PPP4C: variants seen among roughly 807,000 people sequenced by gnomAD.
PPP4C encodes the protein serine/threonine-protein phosphatase 4 catalytic subunit.
Under a neutral mutation model 40.5 loss-of-function variants are expected in PPP4C, and 10 were observed. The observed-to-expected ratio is 0.25, with a 90% CI of 0.15 to 0.42. The LOEUF (loss-of-function observed/expected upper bound fraction) is 0.42, where lower values mean the gene tolerates loss of function less well. Among genes scored for constraint, PPP4C ranks in the 10% least tolerant of loss-of-function variants. PPP4C has a pLI of 1.00. For synonymous variants in PPP4C, 187 were observed against 163.6 expected (o/e 1.14, Z -1.09); for missense variants, 191 against 416.4 (o/e 0.46, Z 4.71).
At chr16:30,076,719 GGAAACTC>G (rs1209917314) in intron 2 of PPP4C, among the ~76,000 whole-genome samples, 32 of 152,296 alleles carry the variant, frequency 2.1e-4, no homozygotes, top group African/African-American at 7.7e-4. Context: ...AAAGTACTTA[GGAAACTC>G]AAGGAAACAA....
chr16:30,081,882 A>G (rs369301065), intron 3 of PPP4C, among the ~76,000 whole-genome samples: 2 of 151,972 alleles, frequency 1.3e-5, no homozygotes, highest in African/African-American at 4.8e-5. Flanking sequence ...GTGAAACCCC[A>G]TCTCTACTAA....
rs1567336350 is a variant in PPP4C at position 30,083,484 on chromosome 16, C to T, written c.394C>T (p.Arg132Cys). Residue 132 changes from arginine (R) to cysteine (C), a missense_variant, in exon 6 of 9, where the codon CGC becomes TGC. Transcript: ENST00000279387. This position sits in a 1 kb window ranked among gnomAD's most constrained non-coding sequence, Gnocchi z 6.3. Reference sequence around the variant, plus strand: ...CTATGGCTTCTACGATGAGTGCCTGCGCAAGTACGGCTCGGTGACTGTGTG... The same window carrying T: ...CTATGGCTTCTACGATGAGTGCCTGTGCAAGTACGGCTCGGTGACTGTGTG... ...QVYGFYDECL[R>C]KYGSVTVWRY... 3 of 1,614,152 alleles carry T rather than the reference C, an allele frequency of 1.9e-6. No individual in the cohort carries two copies. The highest frequency in any genetic ancestry group is 2.5e-6 in the Non-Finnish European group (3 of 1,180,032).
chr16:30,082,988 G>A, intron 5 of PPP4C, 141 bp downstream of exon 5: 1 of 748,658 alleles, frequency 1.3e-6, no homozygotes, highest in Non-Finnish European at 2.2e-6. Flanking sequence ...CTGCTTTTGG[G>A]GGTGGTCAGA....
chr16:30,082,492 C>A lies in PPP4C; in HGVS notation c.159C>A (p.Gly53=). ...QRVDSPVTVC[G]DIHGQFYDLK... ...CTCTTCCTGTTCCCCAGGTGTGCGGCGACATCCATGGACAATTCTATGACC... is the reference window on the plus strand; with the variant it reads ...CTCTTCCTGTTCCCCAGGTGTGCGGAGACATCCATGGACAATTCTATGACC... Residue 53 remains glycine (G), a synonymous_variant, in exon 4 of 9, where the codon GGC becomes GGA. Transcript: ENST00000279387. 1.2e-6 allele frequency: 2 copies of A among 1,613,828 alleles called. No individual in the cohort carries two copies. The highest frequency in any genetic ancestry group is 3.3e-5 in the Admixed American group (2 of 60,012).
intron 2 of PPP4C, among the ~76,000 whole-genome samples, chr16:30,078,917 A>G (rs543790819): frequency 6.6e-6 from 1 of 152,304 alleles, no homozygotes; most frequent in Non-Finnish European, 1.5e-5. Context: ...AGGTCCTGAT[A>G]GGGCTGGGGA....
Position 30,081,249 on chromosome 16 carries a change from C to A in PPP4C, c.99-10C>A, listed in dbSNP as rs779936458. The A allele has an allele frequency of 1.9e-6, 3 of 1,613,532 alleles. No homozygotes were observed. In the African/African-American group the frequency reaches 4.0e-5, roughly 22 times the overall value. ...TGGCTGTGGTGACCCTGGTCTTCTC[C>A]TGTCTCCAGAGAGATCTTGGTAGAG... On this transcript the variant is annotated splice_polypyrimidine_tract_variant and intron_variant, in intron 2 of 8. Coordinates refer to ENST00000279387, the MANE Select transcript of PPP4C (RefSeq NM_002720.3).
rs768077357 is a variant in PPP4C at position 30,082,771 on chromosome 16, A to C, written c.227A>C (p.Asn76Thr). ...FRVGGDVPET[N>T]YLFMGDFVDR... is the part of the protein sequence containing the mutation. ...GTAGGTGGCGACGTCCCTGAGACCA[A>C]CTACCTCTTCATGGGGGACTTTGTG... Residue 76 changes from asparagine (N) to threonine (T), a missense_variant, in exon 5 of 9, where the codon AAC becomes ACC. Transcript: ENST00000279387. 1 of 1,613,998 alleles carries C rather than the reference A, an allele frequency of 6.2e-7. No individual in the cohort carries two copies. The highest frequency in any genetic ancestry group is 1.7e-5 in the Admixed American group (1 of 59,992).
At position 30,076,205 on chromosome 16, in the gene PPP4C, C is replaced by T. The variant is rs371595188; in HGVS notation, c.-63-110C>T. ...GTTGGACGCCGGGGGGTCCTGGGGC[C>T]GATGTGAGGGGAGGCGGGGGTGGGG... is the stretch of plus-strand genomic sequence containing the variant. On this transcript the variant is annotated intron_variant, in intron 1 of 8. Transcript: ENST00000279387. 3.5e-4 allele frequency: 181 copies of T among 523,082 alleles called. 3 individuals carry two copies. The highest frequency in any genetic ancestry group is 3.3e-3 in the South Asian group (145 of 43,870). 32.4% of individuals were successfully genotyped at this position (523,082 alleles called of 1,614,324 possible). A position where few individuals can be genotyped will look rare whatever the true frequency, so the allele number is the denominator to read the frequency against.
In PPP4C at chr16:30,082,763, T is replaced by C; in HGVS notation, c.219T>C (p.Pro73=). 6.2e-7 allele frequency: 1 copy of C among 1,613,506 alleles called. No homozygotes were observed. The highest frequency in any genetic ancestry group is 1.7e-4 in the Middle Eastern group (1 of 6,058). ...CCCCACAGGTAGGTGGCGACGTCCC[T>C]GAGACCAACTACCTCTTCATGGGGG... ...KELFRVGGDV[P]ETNYLFMGDF... Residue 73 remains proline (P), a synonymous_variant, in exon 5 of 9, where the codon CCT becomes CCC. Coordinates refer to ENST00000279387, the MANE Select transcript of PPP4C (RefSeq NM_002720.3).
intron 2 of PPP4C, 130 bp from the exon 3 acceptor site, chr16:30,081,129 G>A: frequency 7.7e-7 from 1 of 1,300,628 alleles, no homozygotes; most frequent in Non-Finnish European, 1.1e-6. Context: ...GTTTTGGGGA[G>A]ACTGTACGCT....
At chr16:30,082,667 G>A (rs2072532953) in intron 4 of PPP4C, 79 bp from the exon 5 acceptor site, 3 of 1,535,114 alleles carry the variant, frequency 2.0e-6, no homozygotes, top group South Asian at 2.3e-5. Context: ...GGTTGTGGAA[G>A]AAGGGCCTCC....
In PPP4C at chr16:30,084,727, G is replaced by A. The variant is rs1315867432; in HGVS notation, c.666G>A (p.Val222=). 47 of 1,614,258 alleles carry A rather than the reference G, an allele frequency of 2.9e-5. No individual in the cohort carries two copies. The highest frequency in any genetic ancestry group is 3.6e-5 in the Non-Finnish European group (42 of 1,180,048). ...GCTACCTATTTGGCAGTGACGTGGT[G>A]GCCCAGTTCAACGCAGCCAATGACA... ...GAGYLFGSDV[V]AQFNAANDID... is the part of the protein sequence containing the mutation. Residue 222 remains valine, a synonymous_variant, in exon 8 of 9, where the codon GTG becomes GTA. Coordinates refer to ENST00000279387, the MANE Select transcript of PPP4C (RefSeq NM_002720.3).
intron 2 of PPP4C, among the ~76,000 whole-genome samples, chr16:30,078,947 CTG>C (rs1167043278): frequency 6.6e-6 from 1 of 152,102 alleles, no homozygotes; most frequent in African/African-American, 2.4e-5. Context: ...AGTGGCAGAA[CTG>C]GGGCTGGAAT....
chr16:30,076,376 C>T lies in PPP4C; in HGVS notation c.-2C>T, dbSNP rs2072396148. On this transcript the variant is annotated 5_prime_UTR_variant, in exon 2 of 9. Transcript: ENST00000279387. ...GACTCTGACCCGCGCCGGGGGTGGG[C>T]CATGGCGGAGATCAGCGACCTGGAC... 2 of 1,612,520 alleles carry T rather than the reference C, an allele frequency of 1.2e-6. No individual in the cohort carries two copies. Among genetic ancestry groups the T allele is most frequent in the African/African-American group, 1.3e-5 (1 of 74,926 alleles).
chr16:30,084,875 C>T lies in PPP4C; in HGVS notation c.794+20C>T. 1.2e-6 allele frequency: 2 copies of T among 1,613,788 alleles called. No homozygotes were observed. Among genetic ancestry groups the T allele is most frequent in the Non-Finnish European group, 1.7e-6 (2 of 1,179,688 alleles). On this transcript the variant is annotated intron_variant, in intron 8 of 8. Coordinates refer to ENST00000279387, the MANE Select transcript of PPP4C (RefSeq NM_002720.3). The stretch of plus-strand genomic sequence containing the variant: ...CTACCGGTGAGCCGGCTGGGCCGGG[C>T]TGGGATGGGCGGGCATCTGAGCCGA...
At chr16:30,078,521 G>A (rs917952914) in intron 2 of PPP4C, among the ~76,000 whole-genome samples, 3 of 152,128 alleles carry the variant, frequency 2.0e-5, no homozygotes, top group East Asian at 1.9e-4. Flanking sequence ...TGAGTTGGCC[G>A]CTGTTGTCCC....
intron 2 of PPP4C, among the ~76,000 whole-genome samples, chr16:30,080,955 G>A (rs2072494388): frequency 6.6e-6 from 1 of 152,226 alleles, no homozygotes; most frequent in Non-Finnish European, 1.5e-5. Context: ...CCTCCCAGGA[G>A]TGAGTCCTGG....
rs1247076574 is a variant in PPP4C at position 30,076,389 on chromosome 16, C to A, written c.12C>A (p.Ile4=). Residue 4 remains isoleucine, a synonymous_variant, in exon 2 of 9, where the codon ATC becomes ATA. Coordinates refer to ENST00000279387, the MANE Select transcript of PPP4C (RefSeq NM_002720.3). ...GCCGGGGGTGGGCCATGGCGGAGAT[C>A]AGCGACCTGGACCGGCAGATCGAGC... MAE[I]SDLDRQIEQL... is the part of the protein sequence containing the mutation. The A allele has an allele frequency of 1.2e-6, 2 of 1,613,064 alleles. No homozygotes were observed. The highest frequency in any genetic ancestry group is 2.2e-5 in the East Asian group (1 of 44,858).
Position 30,083,164 on chromosome 16 carries a change from G to A in PPP4C, c.304-230G>A, listed in dbSNP as rs1222983635. ...GGGACCCGGTCTGTGTCTGGTAGGTGAAAGAAGAGCCATTAGGTTCATAGT... is the reference window on the plus strand; with the variant it reads ...GGGACCCGGTCTGTGTCTGGTAGGTAAAAGAAGAGCCATTAGGTTCATAGT... On this transcript the variant is annotated intron_variant, in intron 5 of 8. Transcript: ENST00000279387. This position sits in a 1 kb window ranked among gnomAD's most constrained non-coding sequence, Gnocchi z 6.3. 2.1e-5 allele frequency: 13 copies of A among 609,812 alleles called. No homozygotes were observed. The highest frequency in any genetic ancestry group is 3.5e-5 in the Non-Finnish European group (12 of 347,626). 37.8% of individuals were successfully genotyped at this position (609,812 alleles called of 1,614,324 possible).
Sources: gnomAD v4.1 joint callset for allele counts (sites outside exome capture counted in the v4.1 genomes callset) on GRCh38, gnomAD v4.1.1 for gene constraint, Gnocchi (gnomAD v3.1) non-coding constraint, MANE v1.5 for transcripts, NCBI Gene and HGNC (gene_info 2026-07-23, HGNC 2026-07-21) for gene names.